Variants in SNAPC4 observed in about 807,000 individuals in gnomAD.
SNAPC4 encodes the protein small nuclear RNA activating complex polypeptide 4, also known as snRNA-activating protein complex subunit 4.
A neutral mutation model predicts 151.3 loss-of-function variants in SNAPC4; 127 were observed. The ratio of observed to expected loss-of-function variants is 0.84; its 90% CI spans 0.73 to 0.97. The LOEUF (loss-of-function observed/expected upper bound fraction) is 0.97. Among genes scored for constraint, SNAPC4 ranks in the 50% least tolerant of loss-of-function variants. The pLI, the probability that SNAPC4 is intolerant of heterozygous loss-of-function variation, is 0.00. For missense variants in SNAPC4, 2,186 were observed against 1,935.0 expected (o/e 1.13, Z -2.43); for synonymous variants, 1,002 against 824.4 (o/e 1.22, Z -3.69).
Position 136,381,399 on chromosome 9 carries a change from G to C in SNAPC4, c.2318-7C>G. The C allele has an allele frequency of 6.2e-7, 1 of 1,611,118 alleles. No individual in the cohort carries two copies. Among genetic ancestry groups the C allele is most frequent in the Non-Finnish European group, 8.5e-7 (1 of 1,178,446 alleles). The stretch of plus-strand genomic sequence containing the variant: ...TGCTCCCTGAGGCCATCCGCTGCGG[G>C]CACAGGGGGATAAGTGGAAAGCAGC... On this transcript the variant is annotated splice_polypyrimidine_tract_variant and splice_region_variant and intron_variant, in intron 18 of 23. Coordinates refer to ENST00000684778, the MANE Select transcript of SNAPC4 (RefSeq NM_003086.4).
At chr9:136,397,101 T>G (rs1834300648) in intron 2 of SNAPC4, 78 bp from the exon 3 acceptor site, 1 of 1,231,868 alleles carries the variant, frequency 8.1e-7, no homozygotes, top group African/African-American at 1.5e-5. Context: ...CACTGCTTCT[T>G]GGGCAGACCT....
At chr9:136,390,554 G>GAAAAAAAAAAAA (rs58732608) in intron 10 of SNAPC4, among the ~76,000 whole-genome samples, 2 of 48,804 alleles carry the variant, frequency 4.1e-5, no homozygotes, top group Non-Finnish European at 6.9e-5. Context: ...GACTCTGTTT[G>GAAAAAAAAAAAA]AAAAAAAAAA....
rs1044726234 is a variant in SNAPC4 at position 136,382,062 on chromosome 9, C to T, written c.2079G>A (p.Leu693=). 6.3e-7 allele frequency: 1 copy of T among 1,589,294 alleles called. No homozygotes were observed. The highest frequency in any genetic ancestry group is 8.6e-7 in the Non-Finnish European group (1 of 1,168,292). Reference sequence around the variant, plus strand: ...ATGAGGTGGGCAGGGGTGGCTGCCTCAGCTGCTCTTTCTGTAAGGAGAAGG... The same window carrying T: ...ATGAGGTGGGCAGGGGTGGCTGCCTTAGCTGCTCTTTCTGTAAGGAGAAGG... ...AARSCTQKEQ[L]RQPPLPTSSP... The change falls in exon 18 of 24, where the codon CTG becomes CTA. Residue 693 remains leucine, a synonymous_variant. Transcript: ENST00000684778.
chr9:136,386,519 C>A (rs975593119), intron 13 of SNAPC4, among the ~76,000 whole-genome samples: 1 of 151,056 alleles, frequency 6.6e-6, no homozygotes, highest in East Asian at 1.9e-4. Flanking sequence ...ACTGCATCCT[C>A]CGCCTCCCAG....
At chr9:136,389,153 C>T (rs1481520284) in intron 10 of SNAPC4, among the ~76,000 whole-genome samples, 1 of 152,172 alleles carries the variant, frequency 6.6e-6, no homozygotes, top group African/African-American at 2.4e-5. Context: ...GCAAACCCAC[C>T]CTCAGTCCAC....
chr9:136,396,829 T>C, intron 3 of SNAPC4, 148 bp downstream of exon 3: 2 of 726,630 alleles, frequency 2.8e-6, no homozygotes, highest in South Asian at 1.6e-5. Context: ...CAATGACAAA[T>C]GCTTTTTAAT....
Position 136,376,497 on chromosome 9 carries a change from G to A in SNAPC4, c.4285-16C>T, listed in dbSNP as rs1239564990. On this transcript the variant is annotated splice_polypyrimidine_tract_variant and intron_variant, in intron 22 of 23. Transcript: ENST00000684778. Reference sequence around the variant, plus strand: ...CTGGGGCTCCCTGAAAGAAAATCCAGGCAGTGGGGACAAGAGTGACACCCC... The same window carrying A: ...CTGGGGCTCCCTGAAAGAAAATCCAAGCAGTGGGGACAAGAGTGACACCCC... 2 of 1,612,710 alleles carry A rather than the reference G, an allele frequency of 1.2e-6. No homozygotes were observed. Among genetic ancestry groups the A allele is most frequent in the Non-Finnish European group, 1.7e-6 (2 of 1,179,660 alleles).
Position 136,395,762 on chromosome 9 carries a change from T to A in SNAPC4, c.186A>T (p.Glu62Asp), listed in dbSNP as rs748250626. ...DPADPPISEEERWGEASNDED... is the reference protein window; with the variant it reads ...DPADPPISEEDRWGEASNDED... ...CGTCATTGCTGGCTTCGCCCCACCT[T>A]TCTTCTTCCTGGTAACGAGCCAGAA... The change falls in exon 4 of 24, where the codon GAA becomes GAT. Residue 62 changes from glutamate to aspartate, a missense_variant. By Grantham distance (45) the Glu-to-Asp change is conservative (BLOSUM62 2). Transcript: ENST00000684778. 6.2e-7 allele frequency: 1 copy of A among 1,610,710 alleles called. No homozygotes were observed. The highest frequency in any genetic ancestry group is 1.7e-5 in the Admixed American group (1 of 59,900).
rs200472494 is a variant in SNAPC4 at position 136,378,733 on chromosome 9, A to T, written c.3094T>A (p.Ser1032Thr). The change falls in exon 22 of 24, where the codon TCC (serine) becomes ACC (threonine). Residue 1032 changes from serine to threonine, a missense_variant. Transcript: ENST00000684778. ...GLGQSQAPAA[S>T]RKQGLPEAPP... ...GCCTCAGGCAGGCCCTGCTTCCGGGATGCAGCGGGGGCCTGAGACTGTCCG... is the reference window on the plus strand; with the variant it reads ...GCCTCAGGCAGGCCCTGCTTCCGGGTTGCAGCGGGGGCCTGAGACTGTCCG... The T allele has an allele frequency of 8.1e-5, 123 of 1,511,526 alleles. No homozygotes were observed. The East Asian group carries it at 2.6e-3, about 32-fold the overall frequency. The allele number at this position is 1,511,526 out of a possible 1,614,324, so 93.6% of individuals were successfully genotyped here.
chr9:136,397,397 C>T (rs1035227185), intron 2 of SNAPC4, among the ~76,000 whole-genome samples: 3 of 151,274 alleles, frequency 2.0e-5, no homozygotes, highest in Non-Finnish European at 2.9e-5. Context: ...GCCCTCACCA[C>T]AGGAGAAAGA....
chr9:136,396,070 A>G (rs893802119), intron 3 of SNAPC4, among the ~76,000 whole-genome samples: 1 of 152,354 alleles, frequency 6.6e-6, no homozygotes, highest in Admixed American at 6.5e-5. Flanking sequence ...GCTTTCCAGG[A>G]CCACAGGCGT....
At chr9:136,396,188 C>G (rs1158852194) in intron 3 of SNAPC4, among the ~76,000 whole-genome samples, 1 of 152,202 alleles carries the variant, frequency 6.6e-6, no homozygotes, top group Non-Finnish European at 1.5e-5. Context: ...AGGAAGTGGA[C>G]GCAGTGAAAA....
rs1833755784 is a variant in SNAPC4, at chr9:136,383,058, C to G, written c.1983+128G>C. On this transcript the variant is annotated intron_variant, in intron 16 of 23. Coordinates refer to ENST00000684778, the MANE Select transcript of SNAPC4 (RefSeq NM_003086.4). The surrounding 1 kb of genome is among the most constrained non-coding windows in gnomAD (Gnocchi z 4.2). ...CGACGCACAGCTGTCCAGAGCTCAG[C>G]CAGAAGTAGCACGTTCTGATGCACA... 2.2e-6 allele frequency: 3 copies of G among 1,388,490 alleles called. No individual in the cohort carries two copies. In the Admixed American group the frequency reaches 9.0e-5, roughly 42 times the overall value. 86.0% of individuals were successfully genotyped at this position (1,388,490 alleles called of 1,614,324 possible).
rs140366534 is a variant in SNAPC4, at chr9:136,386,182, G to A, written c.1325+1303C>T. Among the ~76,000 whole-genome samples the A allele has an allele frequency of 1.1e-4, 16 of 150,956 alleles. 1 individual carries two copies. In the South Asian group the frequency reaches 1.3e-3, roughly 12 times the overall value. ...TTTTAATTAACAGCCATCCCAACGC[G>A]TGTGTGGTTTTGACTTGCACTTCCC... On this transcript the variant is annotated intron_variant, in intron 13 of 23. Transcript: ENST00000684778.
chr9:136,398,517 T>C (rs1834351207), intron 1 of SNAPC4, 80 bp from the exon 2 acceptor site: 7 of 1,523,530 alleles, frequency 4.6e-6, no homozygotes, highest in Middle Eastern at 1.7e-4. Context: ...CACCCGCCCA[T>C]GGGGGATGGC....
At chr9:136,380,458 G>T (rs1486606057) in intron 20 of SNAPC4, among the ~76,000 whole-genome samples, 1 of 152,232 alleles carries the variant, frequency 6.6e-6, no homozygotes, top group African/African-American at 2.4e-5. Context: ...GAGCAGAAAG[G>T]CAAGAACCAG....
In SNAPC4 at chr9:136,392,694, T is replaced by C. The variant is rs767573240; in HGVS notation, c.716A>G (p.Glu239Gly). 11 of 1,613,728 alleles carry C rather than the reference T, an allele frequency of 6.8e-6. No homozygotes were observed. The highest frequency in any genetic ancestry group is 2.2e-5 in the East Asian group (1 of 44,874). The change falls in exon 8 of 24, where the codon GAG (glutamate) becomes GGG (glycine). Residue 239 changes from glutamate to glycine, a missense_variant. By Grantham distance (98) the Glu-to-Gly change is moderately conservative (BLOSUM62 -2). Coordinates refer to ENST00000684778, the MANE Select transcript of SNAPC4 (RefSeq NM_003086.4). ...QALEKQGREA[E>G]KEIQDINQLP... Reference sequence around the variant, plus strand: ...TCACTTGATGTCCTGGATCTCCTTCTCGGCTTCCCTGCCCTGCTTCTCCAG... The same window carrying C: ...TCACTTGATGTCCTGGATCTCCTTCCCGGCTTCCCTGCCCTGCTTCTCCAG...
rs551437367 is a variant in SNAPC4, at chr9:136,382,340, A to G, written c.1984-4T>C. Reference sequence around the variant, plus strand: ...CTGTCAGCAGACGCCTCCCACCCTGATGAGAAAGCTGCCTGAGGCGAGGCA... The same window carrying G: ...CTGTCAGCAGACGCCTCCCACCCTGGTGAGAAAGCTGCCTGAGGCGAGGCA... On this transcript the variant is annotated splice_polypyrimidine_tract_variant and splice_region_variant and intron_variant, in intron 16 of 23. Coordinates refer to ENST00000684778, the MANE Select transcript of SNAPC4 (RefSeq NM_003086.4). 106 of 1,612,932 alleles carry G rather than the reference A, an allele frequency of 6.6e-5. No homozygotes were observed. In the South Asian group the frequency reaches 1.1e-3, roughly 17 times the overall value.
Position 136,395,787 on chromosome 9 carries a change from A to G in SNAPC4, c.178-17T>C, listed in dbSNP as rs78789960. 1,020 of 1,606,846 alleles carry G rather than the reference A, an allele frequency of 6.3e-4. 5 individuals are homozygous for G. The African/African-American group carries it at 0.012, about 18-fold the overall frequency. ...TTCTTCTTCCTGGTAACGAGCCAGA[A>G]ATGGCATGTGACGAGATGAGACGTG... On this transcript the variant is annotated splice_polypyrimidine_tract_variant and intron_variant, in intron 3 of 23. Transcript: ENST00000684778.
Sources: allele counts gnomAD v4.1 joint callset (sites outside exome capture counted in the v4.1 genomes callset), GRCh38; gene constraint gnomAD v4.1.1; non-coding constraint Gnocchi (gnomAD v3.1); transcripts MANE v1.5; gene names NCBI Gene and HGNC (gene_info 2026-07-23, HGNC 2026-07-21).